DACH2: variants seen among roughly 807,000 people sequenced by gnomAD.
The protein encoded by DACH2 is dachshund family transcription factor 2.
A neutral mutation model predicts 35.8 loss-of-function variants in DACH2; 17 were observed. The ratio of observed to expected loss-of-function variants is 0.48; its 90% CI spans 0.33 to 0.71. DACH2 has a LOEUF of 0.71. Ranked by LOEUF, DACH2 falls within the 30% of genes least tolerant of loss-of-function variation. The pLI is 0.02. For synonymous variants in DACH2, 195 were observed against 177.3 expected (o/e 1.10, Z -0.79); for missense variants, 469 against 472.7 (o/e 0.99, Z 0.07).
At chrX:86,542,331 A>G (rs1413210980) in intron 3 of DACH2, among the ~76,000 whole-genome samples, 16 of 111,594 alleles carry the variant, frequency 1.4e-4, no homozygotes, top group Non-Finnish European at 1.9e-4. Flanking sequence ...ATCTCTCAAG[A>G]ATGGATTGGT....
intron 3 of DACH2, among the ~76,000 whole-genome samples, chrX:86,617,257 G>T (rs1047544004): frequency 4.6e-5 from 5 of 109,194 alleles, no homozygotes; most frequent in South Asian, 3.9e-4. Context: ...TCTTTTTTTT[G>T]TTGTTGTTGT....
intron 2 of DACH2, among the ~76,000 whole-genome samples, chrX:86,425,477 A>G (rs2036877619): frequency 9.0e-6 from 1 of 111,045 alleles, no homozygotes; most frequent in Non-Finnish European, 1.9e-5. Context: ...ATAATTGCTC[A>G]TAACAGCCAC....
At chrX:86,252,460 AT>A (rs1455998039) in intron 1 of DACH2, among the ~76,000 whole-genome samples, 1 of 111,048 alleles carries the variant, frequency 9.0e-6, no homozygotes, top group Non-Finnish European at 1.9e-5. Flanking sequence ...ATCTTCTATA[AT>A]TTTTATAGGC....
chrX:86,828,968 C>G lies in DACH2; in HGVS notation c.1751-3138C>G, dbSNP rs757281762. The G allele has an allele frequency of 4.5e-5, 5 of 111,911 alleles. No individual in the cohort carries two copies. In the Admixed American group the frequency reaches 4.8e-4, roughly 11 times the overall value. The allele number at this position is 111,911 out of a possible 1,213,427, so 9.2% of individuals were successfully genotyped here. A position where few individuals can be genotyped will look rare whatever the true frequency, so the allele number is the denominator to read the frequency against. On this transcript the variant is annotated intron_variant, in intron 11 of 11. Coordinates refer to ENST00000373125, the MANE Select transcript of DACH2 (RefSeq NM_053281.3). ...TTAAGTTCTGATGTGACAGAAGCAC[C>G]AAGCATCTCCTGCAAAAAGCCAACT...
At chrX:86,430,825 C>T (rs1012482290) in intron 2 of DACH2, among the ~76,000 whole-genome samples, 5 of 112,015 alleles carry the variant, frequency 4.5e-5, no homozygotes, top group Non-Finnish European at 9.4e-5. Context: ...ACCTATCCCC[C>T]TGTTTTAAAC....
At chrX:86,344,059 G>A (rs150874086) in intron 1 of DACH2, among the ~76,000 whole-genome samples, 1,993 of 109,954 alleles carry the variant, frequency 0.018, 71 homozygotes, top group Admixed American at 0.12. Flanking sequence ...TAACTCAAAG[G>A]TGTAATTGGA....
intron 4 of DACH2, among the ~76,000 whole-genome samples, chrX:86,685,249 A>G (rs1207130440): frequency 8.9e-6 from 1 of 111,777 alleles, no homozygotes; most frequent in African/African-American, 3.3e-5. Context: ...GTCAGAATAA[A>G]TAAAAGTCTA....
chrX:86,766,519 G>A (rs192750553), intron 7 of DACH2, among the ~76,000 whole-genome samples: 287 of 111,615 alleles, frequency 2.6e-3, no homozygotes, highest in Middle Eastern at 0.014. Context: ...ACACATCACT[G>A]CTTTAACCAC....
At chrX:86,321,490 G>A (rs762609781) in intron 1 of DACH2, among the ~76,000 whole-genome samples, 1 of 111,746 alleles carries the variant, frequency 8.9e-6, no homozygotes, top group East Asian at 2.8e-4. Flanking sequence ...AAGAGGTTTG[G>A]TCCTAGTCCT....
intron 2 of DACH2, among the ~76,000 whole-genome samples, chrX:86,418,968 C>A (rs1431148578): frequency 1.8e-5 from 2 of 111,713 alleles, no homozygotes; most frequent in Non-Finnish European, 3.8e-5. Context: ...GTCTCTAGGG[C>A]AGGGCCCAAA....
chrX:86,656,126 T>C (rs2040537573), intron 4 of DACH2, among the ~76,000 whole-genome samples: 1 of 106,986 alleles, frequency 9.3e-6, no homozygotes, highest in Non-Finnish European at 1.9e-5. Flanking sequence ...CACTGTACTA[T>C]TCCCCTGGAC....
intron 2 of DACH2, among the ~76,000 whole-genome samples, chrX:86,456,554 A>G (rs1354177172): frequency 9.0e-6 from 1 of 111,481 alleles, no homozygotes; most frequent in Admixed American, 9.6e-5. Flanking sequence ...ATATGTTTAT[A>G]TGTTTTAATA....
chrX:86,182,783 C>T (rs192222805), intron 1 of DACH2, among the ~76,000 whole-genome samples: 199 of 90,054 alleles, frequency 2.2e-3, no homozygotes, highest in Non-Finnish European at 3.1e-3. Context: ...GCCATTTTCA[C>T]GATATTGATA....
chrX:86,297,335 T>C, intron 1 of DACH2, among the ~76,000 whole-genome samples: 1 of 110,997 alleles, frequency 9.0e-6, no homozygotes, highest in Non-Finnish European at 1.9e-5. Flanking sequence ...TGATAGCGAG[T>C]ACTTTTCTGT....
chrX:86,800,301 A>C (rs940141041), intron 7 of DACH2, among the ~76,000 whole-genome samples: 2 of 111,691 alleles, frequency 1.8e-5, no homozygotes, highest in African/African-American at 6.5e-5. Context: ...AAAGTCATTA[A>C]GTAAGGTGAG....
intron 2 of DACH2, among the ~76,000 whole-genome samples, chrX:86,497,529 G>A (rs778101126): frequency 3.2e-4 from 36 of 111,434 alleles, no homozygotes; most frequent in African/African-American, 1.1e-3. Context: ...GGAGAGAGGA[G>A]AGGAGCCCTA....
chrX:86,799,559 G>A (rs1456642452), intron 7 of DACH2, among the ~76,000 whole-genome samples: 1 of 111,519 alleles, frequency 9.0e-6, no homozygotes, highest in Non-Finnish European at 1.9e-5. Context: ...AGGATGGGTC[G>A]TCGATTCAGA....
chrX:86,476,826 C>G, intron 2 of DACH2, among the ~76,000 whole-genome samples: 1 of 110,900 alleles, frequency 9.0e-6, no homozygotes, highest in Non-Finnish European at 1.9e-5. Flanking sequence ...TGCTGTATCC[C>G]ACAGGTTTTT....
intron 2 of DACH2, among the ~76,000 whole-genome samples, chrX:86,446,159 T>C (rs925744404): frequency 1.8e-5 from 2 of 111,220 alleles, no homozygotes; most frequent in African/African-American, 6.5e-5. Context: ...CTGCTACAAG[T>C]ATAGCTACTC....
Sources: allele counts gnomAD v4.1 joint callset (sites outside exome capture counted in the v4.1 genomes callset), GRCh38; gene constraint gnomAD v4.1.1; transcripts MANE v1.5; gene names NCBI Gene and HGNC (gene_info 2026-07-23, HGNC 2026-07-21).